MEIOSIN: variants seen among roughly 807,000 people sequenced by gnomAD.
The protein encoded by MEIOSIN is meiosis initiator, also known as meiosis initiator protein.
In MEIOSIN, 18 loss-of-function variants were observed where a neutral mutation model predicts 23.4. The ratio of observed to expected loss-of-function variants is 0.77; its 90% CI spans 0.53 to 1.14. The LOEUF (loss-of-function observed/expected upper bound fraction) is 1.14. Ranked by LOEUF, MEIOSIN falls within the 50% of genes most tolerant of loss-of-function variation. The pLI is 0.00. For missense variants in MEIOSIN, 428 were observed against 242.9 expected, an observed-to-expected ratio of 1.76 and a Z score of -5.07; for synonymous variants, 187 against 100.6, an observed-to-expected ratio of 1.86 and a Z score of -5.14.
intron 2 of MEIOSIN, among the ~76,000 whole-genome samples, chr19:45,735,833 T>C (rs1311251177): frequency 2.6e-5 from 4 of 152,068 alleles, no homozygotes; most frequent in Non-Finnish European, 4.4e-5. Context: ...CATGCCTCCA[T>C]GCCTGGCTAA....
chr19:45,757,009 TG>T (rs1968843435), intron 8 of MEIOSIN, among the ~76,000 whole-genome samples, 167 bp from the exon 9 acceptor site: 1 of 152,192 alleles, frequency 6.6e-6, no homozygotes, highest in Non-Finnish European at 1.5e-5. Flanking sequence ...GCTTACGGGC[TG>T]GGCTATCCTC....
At chr19:45,745,960 G>GGTTTT (rs907082669) in intron 4 of MEIOSIN, among the ~76,000 whole-genome samples, 101 of 152,030 alleles carry the variant, frequency 6.6e-4, no homozygotes, top group Non-Finnish European at 1.2e-3. Context: ...GGGGTTTTTA[G>GGTTTT]GTTTTGTTTT....
chr19:45,738,418 G>A (rs1568553065), intron 2 of MEIOSIN, among the ~76,000 whole-genome samples: 1 of 152,236 alleles, frequency 6.6e-6, no homozygotes, highest in African/African-American at 2.4e-5. Context: ...AGGAGTTTGA[G>A]ACCAGCCTGG....
intron 7 of MEIOSIN, 136 bp downstream of exon 7, chr19:45,754,860 C>T (rs1568558630): frequency 3.0e-5 from 19 of 624,370 alleles, no homozygotes; most frequent in Non-Finnish European, 3.8e-5. Context: ...ACTTCTCAAG[C>T]TTGTGGCCTT....
chr19:45,740,525 T>G (rs1968483337), intron 3 of MEIOSIN, among the ~76,000 whole-genome samples: 1 of 151,788 alleles, frequency 6.6e-6, no homozygotes, highest in Admixed American at 6.6e-5. Flanking sequence ...CCAAGGCGGA[T>G]AGATCACGAG....
rs1025774687 is a variant in MEIOSIN, at chr19:45,764,428, C to T, written c.*310C>T. 2 of 302,062 alleles carry T rather than the reference C, an allele frequency of 6.6e-6. No individual in the cohort carries two copies. The highest frequency in any genetic ancestry group is 5.1e-5 in the Admixed American group (1 of 19,588). 18.7% of individuals were successfully genotyped at this position (302,062 alleles called of 1,614,324 possible). ...TTCCCTTCCCCACCCCAGAGCCACT[C>T]GGTTGCAACCCTGTTCATGCTCACC... On this transcript the variant is annotated 3_prime_UTR_variant, in exon 15 of 15. Transcript: ENST00000457052.
chr19:45,742,730 G>A (rs1481618745), intron 3 of MEIOSIN, among the ~76,000 whole-genome samples: 1 of 151,994 alleles, frequency 6.6e-6, no homozygotes, highest in South Asian at 2.1e-4. Flanking sequence ...CCCGGGAGGC[G>A]GAGTTTGCAG....
chr19:45,745,616 T>C (rs1968579453), intron 4 of MEIOSIN, among the ~76,000 whole-genome samples: 1 of 152,230 alleles, frequency 6.6e-6, no homozygotes. Flanking sequence ...GCTTCACAGC[T>C]ACAGAACTCT....
chr19:45,746,722 G>A (rs978297945), intron 4 of MEIOSIN, among the ~76,000 whole-genome samples: 2 of 151,904 alleles, frequency 1.3e-5, no homozygotes, highest in African/African-American at 4.8e-5. Flanking sequence ...TCAGGAGGCT[G>A]AGGCGGGAGA....
At chr19:45,756,912 G>T (rs1968841467) in intron 8 of MEIOSIN, among the ~76,000 whole-genome samples, 1 of 152,076 alleles carries the variant, frequency 6.6e-6, no homozygotes, top group African/African-American at 2.4e-5. Context: ...CTGCTTCCCT[G>T]TGCCCCTGGA....
In MEIOSIN at chr19:45,761,774, G is replaced by A. The variant is rs765880460; in HGVS notation, c.1341G>A (p.Gly447=). 1.4e-6 allele frequency: 1 copy of A among 700,332 alleles called. No homozygotes were observed. Among genetic ancestry groups the A allele is most frequent in the Non-Finnish European group, 2.6e-6 (1 of 383,730 alleles). The allele number at this position is 700,332 out of a possible 1,614,324, so 43.4% of individuals were successfully genotyped here. The change falls in exon 12 of 15, where the codon GGG becomes GGA. Residue 447 remains glycine, a synonymous_variant. Coordinates refer to ENST00000457052, the MANE Select transcript of MEIOSIN (RefSeq NM_001310124.2). ...ACCACTGCTACCTCTCGCTGAGCGG[G>A]AACAGCAAGGCGCCATCCAGCTCCA... The part of the protein sequence containing the change: ...SLDHCYLSLS[G]NSKAPSSSSS...
At chr19:45,737,879 G>A (rs1354940394) in intron 2 of MEIOSIN, among the ~76,000 whole-genome samples, 2 of 150,648 alleles carry the variant, frequency 1.3e-5, no homozygotes, top group Non-Finnish European at 2.9e-5. Flanking sequence ...CCGAGATCGC[G>A]CCATTGCACT....
intron 8 of MEIOSIN, 122 bp from the exon 9 acceptor site, chr19:45,757,055 G>T (rs1050080069): frequency 5.0e-6 from 3 of 600,950 alleles, no homozygotes; most frequent in South Asian, 2.0e-5. Flanking sequence ...TGGGAGCCTC[G>T]ACTGACTGAG....
Position 45,733,866 on chromosome 19 carries a change from C to T in MEIOSIN, c.-1+200C>T, listed in dbSNP as rs1337551806. On this transcript the variant is annotated intron_variant, in intron 1 of 14. Coordinates refer to ENST00000457052, the MANE Select transcript of MEIOSIN (RefSeq NM_001310124.2). This position sits in a 1 kb window ranked among gnomAD's most constrained non-coding sequence, Gnocchi z 5.7. Reference sequence around the variant, plus strand: ...GGGGTCCAGGTTCGAGTTTGAGGAACGGAAGACTCTGTTTGTGTTGGGAAT... The same window carrying T: ...GGGGTCCAGGTTCGAGTTTGAGGAATGGAAGACTCTGTTTGTGTTGGGAAT... Among the ~76,000 whole-genome samples, 5 of 152,096 alleles carry T rather than the reference C, an allele frequency of 3.3e-5. No individual in the cohort carries two copies. Among genetic ancestry groups the T allele is most frequent in the Non-Finnish European group, 7.4e-5 (5 of 68,018 alleles).
At chr19:45,734,633 A>G (rs1179051123) in intron 1 of MEIOSIN, among the ~76,000 whole-genome samples, 1 of 151,366 alleles carries the variant, frequency 6.6e-6, no homozygotes, top group Non-Finnish European at 1.5e-5. Context: ...GCTCCCAAGT[A>G]GCTGGGACTA....
At chr19:45,756,105 G>A (rs1968823932) in intron 8 of MEIOSIN, 27 bp downstream of exon 8, 1 of 702,008 alleles carries the variant, frequency 1.4e-6, no homozygotes, top group Non-Finnish European at 2.6e-6. Context: ...GGCACTGAGT[G>A]AGTGGTGCTG....
chr19:45,734,670 A>ATTT (rs34632029), intron 1 of MEIOSIN, among the ~76,000 whole-genome samples: 130 of 137,892 alleles, frequency 9.4e-4, no homozygotes, highest in African/African-American at 3.4e-3. Flanking sequence ...TGCCCAGGTA[A>ATTT]TTTTTTTTTT....
intron 8 of MEIOSIN, among the ~76,000 whole-genome samples, chr19:45,756,848 C>T (rs1009096623): frequency 1.3e-5 from 2 of 152,158 alleles, no homozygotes; most frequent in African/African-American, 4.8e-5. Context: ...TCCCCAGAAG[C>T]CCTGCGCCAG....
At chr19:45,737,284 A>G (rs1968423985) in intron 2 of MEIOSIN, among the ~76,000 whole-genome samples, 1 of 151,476 alleles carries the variant, frequency 6.6e-6, no homozygotes, top group African/African-American at 2.4e-5. Context: ...GGCTCAAACA[A>G]TCTTCCCATC....
Sources: allele counts gnomAD v4.1 joint callset (sites outside exome capture counted in the v4.1 genomes callset), GRCh38; gene constraint gnomAD v4.1.1; non-coding constraint Gnocchi (gnomAD v3.1); transcripts MANE v1.5; gene names NCBI Gene and HGNC (gene_info 2026-07-23, HGNC 2026-07-21).